Variants in HDAC9 observed in about 807,000 individuals in gnomAD.
HDAC9 encodes MEF-2 interacting transcription repressor (MITR) protein.
A neutral mutation model predicts 139.4 loss-of-function variants in HDAC9; 41 were observed. The ratio of observed to expected loss-of-function variants is 0.29; its 90% CI spans 0.23 to 0.38. The LOEUF is 0.38. Ranked by LOEUF, HDAC9 falls within the 10% of genes least tolerant of loss-of-function variation. The probability of loss-of-function intolerance (pLI) is 1.00; values close to 1 mark genes in which losing one functional copy is unlikely to be tolerated. For missense variants in HDAC9, 1,147 were observed against 1,297.0 expected (o/e 0.88, Z 1.78); for synonymous variants, 517 against 476.2 (o/e 1.09, Z -1.12).
At chr7:18,444,199 C>T (rs1340035908) in intron 1 of HDAC9, among the ~76,000 whole-genome samples, 2 of 151,500 alleles carry the variant, frequency 1.3e-5, no homozygotes, top group Non-Finnish European at 2.9e-5. Context: ...ATTAGCCAAG[C>T]GTGGTGGCGT....
intron 1 of HDAC9, among the ~76,000 whole-genome samples, chr7:18,150,880 C>A (rs773446620): frequency 6.6e-6 from 1 of 152,124 alleles, no homozygotes; most frequent in Non-Finnish European, 1.5e-5. Context: ...GAGTGAGTGA[C>A]AGTTGACAAA....
chr7:18,230,493 C>G (rs568037979), intron 2 of HDAC9, among the ~76,000 whole-genome samples: 19 of 152,312 alleles, frequency 1.2e-4, no homozygotes, highest in African/African-American at 4.6e-4. Context: ...ATAAATTCCT[C>G]TTTGTTCTCA....
At chr7:18,294,982 CGTCTT>C (rs1270767238) in intron 1 of HDAC9, among the ~76,000 whole-genome samples, 1 of 151,996 alleles carries the variant, frequency 6.6e-6, no homozygotes, top group Non-Finnish European at 1.5e-5. Context: ...TCTAGTGAGA[CGTCTT>C]GTGTGAAGAT....
intron 21 of HDAC9, among the ~76,000 whole-genome samples, chr7:18,870,171 G>A (rs6978681): frequency 0.033 from 5,091 of 152,092 alleles, 254 homozygotes; most frequent in East Asian, 0.13. Flanking sequence ...TGTGTACAAT[G>A]CTCTTATCTA....
chr7:18,703,706 A>C (rs1783677510), intron 12 of HDAC9, among the ~76,000 whole-genome samples: 1 of 152,200 alleles, frequency 6.6e-6, no homozygotes, highest in Non-Finnish European at 1.5e-5. Flanking sequence ...TTCTGAAAAC[A>C]AAAGGAAGAA....
intron 16 of HDAC9, among the ~76,000 whole-genome samples, chr7:18,781,332 G>T (rs760255076): frequency 6.6e-6 from 1 of 151,970 alleles, no homozygotes; most frequent in South Asian, 2.1e-4. Flanking sequence ...TGAAACCCCA[G>T]CTCTTCATCT....
intron 1 of HDAC9, among the ~76,000 whole-genome samples, chr7:18,385,342 A>C (rs1318682017): frequency 6.6e-6 from 1 of 152,094 alleles, no homozygotes; most frequent in Non-Finnish European, 1.5e-5. Context: ...TTCTAAAATC[A>C]TATCATTTTC....
intron 1 of HDAC9, among the ~76,000 whole-genome samples, chr7:18,448,075 A>G (rs1792461334): frequency 6.6e-6 from 1 of 151,848 alleles, no homozygotes; most frequent in Admixed American, 6.6e-5. Flanking sequence ...TCCAACTCCA[A>G]CTCCAAATCC....
At chr7:18,489,631 T>C (rs1327710280) in intron 1 of HDAC9, among the ~76,000 whole-genome samples, 5 of 152,062 alleles carry the variant, frequency 3.3e-5, no homozygotes, top group African/African-American at 1.2e-4. Context: ...GTAGGGCCTG[T>C]CTCATTCTTG....
intron 22 of HDAC9, among the ~76,000 whole-genome samples, chr7:18,900,829 G>C (rs1455168541): frequency 6.6e-6 from 1 of 152,044 alleles, no homozygotes. Flanking sequence ...AACAACATGT[G>C]AACAGTCTAG....
intron 24 of HDAC9, among the ~76,000 whole-genome samples, chr7:18,975,224 T>C (rs565011095): frequency 6.0e-4 from 92 of 152,322 alleles, no homozygotes; most frequent in African/African-American, 2.1e-3. Context: ...CCAGTATATA[T>C]ATTAAAGTTT....
At chr7:18,155,141 T>C (rs1441572904) in intron 1 of HDAC9, among the ~76,000 whole-genome samples, 1 of 151,196 alleles carries the variant, frequency 6.6e-6, no homozygotes, top group Non-Finnish European at 1.5e-5. Context: ...AAGAAGCCTG[T>C]ATATCCTGCA....
Position 18,896,128 on chromosome 7 carries a change from A to G in HDAC9, c.2803+21532A>G, listed in dbSNP as rs183088941. Among the ~76,000 whole-genome samples, 23 of 152,214 alleles carry G rather than the reference A, an allele frequency of 1.5e-4. 1 individual carries two copies. In the East Asian group the frequency reaches 4.4e-3, roughly 29 times the overall value. ...TTATGAAGGAAGAAACTATTTTATG[A>G]AATATGATCTGTTGACGTTTAAATG... On this transcript the variant is annotated intron_variant, in intron 22 of 25. Transcript: ENST00000686413.
chr7:18,932,846 A>AGG (rs1804878651), intron 22 of HDAC9, among the ~76,000 whole-genome samples: 5 of 144,440 alleles, frequency 3.5e-5, no homozygotes, highest in Admixed American at 2.1e-4. Flanking sequence ...GAAGGAAGGA[A>AGG]AAAAAGAAAG....
chr7:18,103,155 T>A (rs927990511), intron 1 of HDAC9, among the ~76,000 whole-genome samples: 1 of 151,908 alleles, frequency 6.6e-6, no homozygotes, highest in Non-Finnish European at 1.5e-5. Context: ...TATAAAACCA[T>A]CAGATCTCAT....
chr7:18,165,145 C>G lies in HDAC9; in HGVS notation c.25+2796C>G, dbSNP rs149255406. Among the ~76,000 whole-genome samples, 19 of 152,202 alleles carry G rather than the reference C, an allele frequency of 1.2e-4. No individual in the cohort carries two copies. In the East Asian group the frequency reaches 3.5e-3, roughly 28 times the overall value. On this transcript the variant is annotated intron_variant, in intron 2 of 12. Coordinates refer to the HDAC9 transcript ENST00000417496. ...GTAATGTAATTTTTATCAGAATTGC[C>G]AAATCTCAGAAGGAAGGATTTTAGG...
At chr7:18,188,243 T>C (rs972098663) in intron 2 of HDAC9, among the ~76,000 whole-genome samples, 2 of 152,100 alleles carry the variant, frequency 1.3e-5, no homozygotes, top group African/African-American at 2.4e-5. Context: ...AAACAAGCAA[T>C]GAGGAAAGGA....
chr7:18,993,585 T>C (rs1304701029), intron 25 of HDAC9, among the ~76,000 whole-genome samples: 4 of 152,262 alleles, frequency 2.6e-5, no homozygotes, highest in African/African-American at 9.6e-5. Flanking sequence ...GAGGATCTCT[T>C]GAGCCCAGGA....
At chr7:18,884,452 C>G (rs967287402) in intron 22 of HDAC9, among the ~76,000 whole-genome samples, 6 of 152,076 alleles carry the variant, frequency 3.9e-5, no homozygotes, top group African/African-American at 1.4e-4. Context: ...GAGGAAAAGA[C>G]AGTCTTTGAT....
Sources: gnomAD v4.1 joint callset for allele counts (sites outside exome capture counted in the v4.1 genomes callset) on GRCh38, gnomAD v4.1.1 for gene constraint, MANE v1.5 for transcripts, NCBI Gene and HGNC (gene_info 2026-07-23, HGNC 2026-07-21) for gene names.